MAP3K5: variants seen among roughly 807,000 people sequenced by gnomAD.
MAP3K5 encodes the protein ASK-1.
MAP3K5 carries 56 observed loss-of-function variants against 158.7 expected under a neutral mutation model. The observed-to-expected ratio is 0.35, with a 90% CI of 0.28 to 0.44. MAP3K5 has a LOEUF of 0.44. Ranked by LOEUF, MAP3K5 falls within the 20% of genes least tolerant of loss-of-function variation. The probability of loss-of-function intolerance (pLI) is 1.00; values close to 1 mark genes in which losing one functional copy is unlikely to be tolerated. For synonymous variants in MAP3K5, 579 were observed against 601.7 expected (o/e 0.96, Z 0.55); for missense variants, 1,294 against 1,674.8 (o/e 0.77, Z 3.97).
At chr6:136,593,788 A>G in intron 21 of MAP3K5, 1 of 401,412 alleles carries the variant, frequency 2.5e-6, no homozygotes, top group South Asian at 1.8e-5. Context: ...ATGCTACAAA[A>G]GCATTTTAAT....
chr6:136,642,075 TA>T (rs1258608966), intron 12 of MAP3K5, among the ~76,000 whole-genome samples: 5 of 146,080 alleles, frequency 3.4e-5, no homozygotes, highest in Admixed American at 6.8e-5. Context: ...TAAAATAAAA[TA>T]AAATAAAATA....
rs140464614 is a variant in MAP3K5, at chr6:136,669,325, C to T, written c.1324G>A (p.Ala442Thr). The change falls in exon 8 of 30, where the codon GCT becomes ACT. Residue 442 changes from alanine to threonine, a missense_variant. Physicochemically the swap from Ala to Thr is moderately conservative, Grantham distance 58. Transcript: ENST00000359015. ...AAGGAAGATTCAAACTGGTGTCCAG[C>T]TGCCAGGAGGAGGACCGCATAATTA... ...GINYAVLLLA[A>T]GHQFESSFEL... 2.5e-5 allele frequency: 40 copies of T among 1,613,864 alleles called. 1 individual carries two copies. In the African/African-American group the frequency reaches 4.4e-4, roughly 18 times the overall value.
At chr6:136,611,435 C>T in intron 17 of MAP3K5, 48 bp from the exon 18 acceptor site, 2 of 1,101,816 alleles carry the variant, frequency 1.8e-6, no homozygotes, top group Non-Finnish European at 2.8e-6. Flanking sequence ...TCTTCAGATA[C>T]TGTCTGTTGT....
intron 1 of MAP3K5, among the ~76,000 whole-genome samples, chr6:136,776,500 C>T (rs889636141): frequency 1.1e-4 from 16 of 152,210 alleles, no homozygotes; most frequent in African/African-American, 3.9e-4. Flanking sequence ...CAGCTTCTGC[C>T]TCCCAAAGTG....
At chr6:136,771,606 G>A (rs1372997520) in intron 1 of MAP3K5, among the ~76,000 whole-genome samples, 1 of 152,154 alleles carries the variant, frequency 6.6e-6, no homozygotes, top group African/African-American at 2.4e-5. Flanking sequence ...TGACTGCAAA[G>A]CTGCCCTGAG....
At chr6:136,561,805 A>G (rs1192140396) in intron 27 of MAP3K5, among the ~76,000 whole-genome samples, 160 bp from the exon 28 acceptor site, 1 of 152,222 alleles carries the variant, frequency 6.6e-6, no homozygotes, top group African/African-American at 2.4e-5. Flanking sequence ...TGATAATATG[A>G]ATAAAACTCA....
intron 7 of MAP3K5, among the ~76,000 whole-genome samples, chr6:136,670,339 G>A (rs1289955584): frequency 1.3e-5 from 2 of 151,952 alleles, no homozygotes; most frequent in Non-Finnish European, 2.9e-5. Flanking sequence ...TATGTAAAAC[G>A]AGAAAAATAA....
chr6:136,611,373 C>T lies in MAP3K5; in HGVS notation c.2430G>A (p.Leu810=). Residue 810 remains leucine (L), a synonymous_variant, in exon 18 of 30, where the codon TTG becomes TTA. Transcript: ENST00000359015. ...VHRDIKGDNV[L]INTYSGVLKI... ...TGAGAACACCACTGTAGGTATTAAT[C>T]AACACATTGTCACCCTAGAGAACAG... The T allele has an allele frequency of 1.9e-6, 3 of 1,600,128 alleles. No homozygotes were observed. The Middle Eastern group carries it at 5.0e-4, about 265-fold the overall frequency.
intron 17 of MAP3K5, among the ~76,000 whole-genome samples, chr6:136,612,245 G>T (rs1332714561): frequency 6.6e-6 from 1 of 152,140 alleles, no homozygotes; most frequent in African/African-American, 2.4e-5. Flanking sequence ...TTTCTCAATT[G>T]CAATTCTTAC....
intron 19 of MAP3K5, among the ~76,000 whole-genome samples, chr6:136,604,919 A>G (rs1330375172): frequency 6.6e-6 from 1 of 152,206 alleles, no homozygotes; most frequent in Non-Finnish European, 1.5e-5. Flanking sequence ...AAAGGGCTTA[A>G]ATCATCTTCA....
chr6:136,602,317 T>C (rs868594773), intron 19 of MAP3K5, among the ~76,000 whole-genome samples: 1 of 152,292 alleles, frequency 6.6e-6, no homozygotes. Flanking sequence ...TTTCTTTTTT[T>C]TGAGACAGGA....
chr6:136,764,335 A>G (rs1362040080), intron 1 of MAP3K5, among the ~76,000 whole-genome samples: 1 of 152,200 alleles, frequency 6.6e-6, no homozygotes, highest in Non-Finnish European at 1.5e-5. Context: ...AACCTAACAG[A>G]CTGATAGCTT....
rs888545976 is a variant in MAP3K5, at chr6:136,662,184, T to C, written c.1367-2806A>G. The stretch of plus-strand genomic sequence containing the variant: ...GCCCATTTTTAGTGTTGATGCATTT[T>C]TGCCAAATTGCCCTTAGAAAATGCT... On this transcript the variant is annotated intron_variant, in intron 8 of 29. Coordinates refer to ENST00000359015, the MANE Select transcript of MAP3K5 (RefSeq NM_005923.4). Among the ~76,000 whole-genome samples the C allele has an allele frequency of 2.6e-5, 4 of 152,240 alleles. No individual in the cohort carries two copies. The South Asian group carries it at 6.2e-4, about 24-fold the overall frequency.
At chr6:136,718,703 T>C (rs776976542) in intron 2 of MAP3K5, among the ~76,000 whole-genome samples, 3 of 152,236 alleles carry the variant, frequency 2.0e-5, no homozygotes, top group African/African-American at 4.8e-5. Flanking sequence ...CCCGGACATA[T>C]GTGTGGTAAG....
At chr6:136,734,244 C>A (rs1782354552) in intron 1 of MAP3K5, among the ~76,000 whole-genome samples, 1 of 151,746 alleles carries the variant, frequency 6.6e-6, no homozygotes, top group East Asian at 1.9e-4. Flanking sequence ...AATGGTGAAA[C>A]CCTGTCTCTA....
chr6:136,606,335 AGT>A (rs1481845861), intron 18 of MAP3K5, among the ~76,000 whole-genome samples: 2 of 152,218 alleles, frequency 1.3e-5, no homozygotes, highest in Non-Finnish European at 2.9e-5. Flanking sequence ...TGGGCAACAG[AGT>A]GAGACTCTGT....
Position 136,592,522 on chromosome 6 carries a change from A to C in MAP3K5, c.2971T>G (p.Leu991Val). 6.2e-7 allele frequency: 1 copy of C among 1,612,652 alleles called. No homozygotes were observed. Among genetic ancestry groups the C allele is most frequent in the South Asian group, 1.1e-5 (1 of 91,010 alleles). Residue 991 changes from leucine to valine, a missense_variant, in exon 22 of 30, where the codon TTG becomes GTG. Physicochemically the swap from Leu to Val is conservative, Grantham distance 32 (BLOSUM62 1). Around this residue, in one of 5 missense-constraint regions of MAP3K5, gnomAD observed 362 missense variants for 463.2 expected, o/e 0.78. Coordinates refer to ENST00000359015, the MANE Select transcript of MAP3K5 (RefSeq NM_005923.4). ...TTGAAAGAGAAGGGGTCCACTTTCA[A>C]CTCCGTGTCGGGTGAAACTGAGCCG... Reference protein sequence around the residue: ...EYGSVSPDTELKVDPFSFKTR... With the variant: ...EYGSVSPDTEVKVDPFSFKTR...
intron 21 of MAP3K5, chr6:136,593,721 A>G: frequency 2.4e-6 from 1 of 419,930 alleles, no homozygotes; most frequent in South Asian, 1.7e-5. Flanking sequence ...ATGCAAAAAA[A>G]AAAAAAAAAA....
chr6:136,616,555 C>T (rs1776574355), intron 15 of MAP3K5, among the ~76,000 whole-genome samples: 1 of 152,030 alleles, frequency 6.6e-6, no homozygotes, highest in Non-Finnish European at 1.5e-5. Flanking sequence ...CCTCTCCCCA[C>T]CTCAGCCTCC....
Sources: allele counts gnomAD v4.1 joint callset (sites outside exome capture counted in the v4.1 genomes callset), GRCh38; gene constraint gnomAD v4.1.1; regional missense constraint gnomAD v4.1.1; transcripts MANE v1.5; gene names NCBI Gene and HGNC (gene_info 2026-07-23, HGNC 2026-07-21).